The following ADAM2 variants were observed in gnomAD, a reference collection of about 807,000 sequenced individuals.
The protein encoded by ADAM2 is ADAM metallopeptidase domain 2, also known as disintegrin and metalloproteinase domain-containing protein 2.
In ADAM2, 101 loss-of-function variants were observed where a neutral mutation model predicts 99.3. The observed-to-expected ratio is 1.02, with a 90% CI of 0.87 to 1.20. The LOEUF (loss-of-function observed/expected upper bound fraction) is 1.20, where lower values mean the gene tolerates loss of function less well. ADAM2 is among the 50% of genes most tolerant of loss of function. The pLI, the probability that ADAM2 is intolerant of heterozygous loss-of-function variation, is 0.00. For missense variants in ADAM2, 948 were observed against 878.7 expected (o/e 1.08, Z -1.00); for synonymous variants, 323 against 287.6 (o/e 1.12, Z -1.25).
At chr8:39,764,140 T>C (rs1345739562) in intron 14 of ADAM2, among the ~76,000 whole-genome samples, 1 of 152,202 alleles carries the variant, frequency 6.6e-6, no homozygotes, top group African/African-American at 2.4e-5. Context: ...ATGCAGTGGC[T>C]CACTTCTTTA....
At chr8:39,823,818 CTT>C (rs1300489981) in intron 4 of ADAM2, among the ~76,000 whole-genome samples, 1 of 152,104 alleles carries the variant, frequency 6.6e-6, no homozygotes, top group Non-Finnish European at 1.5e-5. Flanking sequence ...TGTGTACTCT[CTT>C]GGGCAAAACT....
chr8:39,753,752 G>A (rs140592167), intron 16 of ADAM2, among the ~76,000 whole-genome samples: 50 of 151,978 alleles, frequency 3.3e-4, no homozygotes, highest in East Asian at 5.8e-4. Context: ...TAAATCCACC[G>A]GAATAGTAAA....
At chr8:39,836,491 C>G (rs6986487) in intron 2 of ADAM2, among the ~76,000 whole-genome samples, 38,659 of 151,082 alleles carry the variant, frequency 0.26, 5,111 homozygotes, top group Middle Eastern at 0.42. Flanking sequence ...TGGATATATG[C>G]TAAGGAAATG....
chr8:39,790,806 G>T (rs1803679843), intron 7 of ADAM2, among the ~76,000 whole-genome samples: 1 of 151,830 alleles, frequency 6.6e-6, no homozygotes, highest in Admixed American at 6.6e-5. Context: ...ACTATAAGCA[G>T]GTTCTAATAA....
chr8:39,824,855 G>T lies in ADAM2; in HGVS notation c.231C>A (p.Gly77=). 6.3e-7 allele frequency: 1 copy of T among 1,577,040 alleles called. No homozygotes were observed. Among genetic ancestry groups the T allele is most frequent in the African/African-American group, 1.4e-5 (1 of 73,804 alleles). ...GGTCAAGTGGTTTCATAATTCCTGT[G>T]CCACTATAACTGTAAACTCTAAAAT... ...PHNFRVYSYS[G]TGIMKPLDQD... Residue 77 remains glycine (G), a synonymous_variant, in exon 4 of 21, where the codon GGC becomes GGA. Coordinates refer to ENST00000265708, the MANE Select transcript of ADAM2 (RefSeq NM_001464.5).
chr8:39,792,607 A>G (rs1432833279), intron 7 of ADAM2, among the ~76,000 whole-genome samples: 1 of 152,066 alleles, frequency 6.6e-6, no homozygotes, highest in Non-Finnish European at 1.5e-5. Flanking sequence ...TGCTTCTTTA[A>G]CCACCTTTAT....
At chr8:39,763,276 G>T (rs963382325) in intron 14 of ADAM2, among the ~76,000 whole-genome samples, 6 of 152,124 alleles carry the variant, frequency 3.9e-5, no homozygotes, top group African/African-American at 7.2e-5. Context: ...GTTGGTCATA[G>T]CATCCCTTAA....
intron 16 of ADAM2, among the ~76,000 whole-genome samples, chr8:39,755,173 TACAGTAAATG>T (rs1311455896): frequency 6.6e-6 from 1 of 152,186 alleles, no homozygotes; most frequent in East Asian, 1.9e-4. Context: ...TTTAATAAAA[TACAGTAAATG>T]AACAACGCAG....
chr8:39,813,832 G>A (rs10094909), intron 6 of ADAM2, among the ~76,000 whole-genome samples: 15,169 of 152,128 alleles, frequency 0.1, 812 homozygotes, highest in African/African-American at 0.13. Flanking sequence ...ACGAGTTAAT[G>A]GGTGCAGCAC....
At chr8:39,802,095 A>G (rs1475957384) in intron 7 of ADAM2, among the ~76,000 whole-genome samples, 1 of 152,186 alleles carries the variant, frequency 6.6e-6, no homozygotes, top group Non-Finnish European at 1.5e-5. Flanking sequence ...TGCGTGTTCC[A>G]TGGTTGAGAC....
chr8:39,800,341 T>C (rs1168481484), intron 7 of ADAM2, among the ~76,000 whole-genome samples: 3 of 152,212 alleles, frequency 2.0e-5, no homozygotes, highest in African/African-American at 7.2e-5. Context: ...TTAAGAATGT[T>C]GAATATTGGC....
intron 6 of ADAM2, among the ~76,000 whole-genome samples, chr8:39,811,951 T>A (rs1037308148): frequency 2.0e-5 from 3 of 152,102 alleles, no homozygotes; most frequent in Non-Finnish European, 4.4e-5. Flanking sequence ...GAGAAAGAAA[T>A]AAAGCATATT....
rs374848731 is a variant in ADAM2 at position 39,766,490 on chromosome 8, A to G, written c.1507+358T>C. ...AGTCTCACTCTTTCTCCCAGGCTGG[A>G]GTGCAGTGGCGTGATCTCAGCTCAC... On this transcript the variant is annotated intron_variant, in intron 14 of 20. Coordinates refer to ENST00000265708, the MANE Select transcript of ADAM2 (RefSeq NM_001464.5). Among the ~76,000 whole-genome samples the G allele has an allele frequency of 5.1e-3, 739 of 144,664 alleles. 2 individuals carry two copies. Among genetic ancestry groups the G allele is most frequent in the African/African-American group, 0.018 (704 of 38,604 alleles). The allele number at this position is 144,664 out of a possible 152,430, so 94.9% of individuals were successfully genotyped here.
intron 7 of ADAM2, among the ~76,000 whole-genome samples, chr8:39,807,207 G>A (rs1804476999): frequency 1.3e-5 from 2 of 152,184 alleles, no homozygotes; most frequent in Admixed American, 1.3e-4. Context: ...TTTCGGACTT[G>A]CTTGGAAACC....
intron 18 of ADAM2, among the ~76,000 whole-genome samples, chr8:39,747,263 T>C (rs1437918528): frequency 1.3e-5 from 2 of 152,204 alleles, no homozygotes; most frequent in Non-Finnish European, 2.9e-5. Flanking sequence ...CTTGATCACT[T>C]TCAGTCTGAG....
intron 3 of ADAM2, among the ~76,000 whole-genome samples, chr8:39,827,407 T>C (rs1046621213): frequency 6.6e-6 from 1 of 152,086 alleles, no homozygotes; most frequent in Admixed American, 6.5e-5. Flanking sequence ...CAAATAAAAT[T>C]AGTATGTTGA....
In ADAM2 at chr8:39,769,486, T is replaced by C. The variant is rs1258581559; in HGVS notation, c.1118A>G (p.Asn373Ser). Residue 373 changes from asparagine to serine, a missense_variant, in exon 12 of 21, where the codon AAT becomes AGT. Physicochemically the swap from Asn to Ser is conservative, Grantham distance 46. Coordinates refer to ENST00000265708, the MANE Select transcript of ADAM2 (RefSeq NM_001464.5). The stretch of plus-strand genomic sequence containing the variant: ...GAAAAAAGGATCTAAGCGAGGCTGA[T>C]TGTGAAGACACTGGGACTTCTGCTT... ...ISKQKSQCLH[N>S]QPRLDPFFKQ... 6.2e-7 allele frequency: 1 copy of C among 1,613,838 alleles called. No homozygotes were observed. Among genetic ancestry groups the C allele is most frequent in the Non-Finnish European group, 8.5e-7 (1 of 1,179,700 alleles).
At chr8:39,783,350 G>T (rs1053165577) in intron 10 of ADAM2, among the ~76,000 whole-genome samples, 1 of 152,002 alleles carries the variant, frequency 6.6e-6, no homozygotes, top group Non-Finnish European at 1.5e-5. Flanking sequence ...GAGGTAGGTT[G>T]TTTTTTTCCA....
intron 11 of ADAM2, among the ~76,000 whole-genome samples, chr8:39,769,950 C>CTTTT (rs60250805): frequency 3.0e-5 from 4 of 134,852 alleles, no homozygotes; most frequent in Admixed American, 1.5e-4. Flanking sequence ...TTTCTTTTTT[C>CTTTT]TTTTTTTTTT....
Sources: gnomAD v4.1 joint callset for allele counts (sites outside exome capture counted in the v4.1 genomes callset) on GRCh38, gnomAD v4.1.1 for gene constraint, MANE v1.5 for transcripts, NCBI Gene and HGNC (gene_info 2026-07-23, HGNC 2026-07-21) for gene names.